SLC9C2: variants seen among roughly 807,000 people sequenced by gnomAD.
SLC9C2 encodes sodium/hydrogen exchanger 11.
SLC9C2 carries 75 observed loss-of-function variants against 140.2 expected under a neutral mutation model. The observed-to-expected ratio is 0.53, with a 90% CI of 0.44 to 0.65. SLC9C2 has a LOEUF of 0.65. SLC9C2 is among the 30% of genes least tolerant of loss of function. SLC9C2 has a pLI of 0.00. For missense variants in SLC9C2, 1,074 were observed against 1,331.8 expected (o/e 0.81, Z 3.01); for synonymous variants, 375 against 420.9 (o/e 0.89, Z 1.34).
At chr1:173,547,587 A>G in intron 13 of SLC9C2, 102 bp downstream of exon 13, 2 of 771,096 alleles carry the variant, frequency 2.6e-6, no homozygotes, top group Non-Finnish European at 4.1e-6. Context: ...CAATCAATAG[A>G]CTATGAGAAG....
At chr1:173,582,330 A>G (rs1665595355) in intron 6 of SLC9C2, among the ~76,000 whole-genome samples, 1 of 152,246 alleles carries the variant, frequency 6.6e-6, no homozygotes, top group Admixed American at 6.5e-5. Context: ...AAAAAAATCT[A>G]AATTAAAAAT....
intron 7 of SLC9C2, among the ~76,000 whole-genome samples, chr1:173,577,769 G>T (rs1051923778): frequency 6.6e-6 from 1 of 152,132 alleles, no homozygotes; most frequent in Non-Finnish European, 1.5e-5. Flanking sequence ...GCTGTTAATT[G>T]TTTTTATCTA....
intron 8 of SLC9C2, among the ~76,000 whole-genome samples, 188 bp from the exon 9 acceptor site, chr1:173,573,513 A>G (rs1409994219): frequency 6.6e-6 from 1 of 152,152 alleles, no homozygotes; most frequent in South Asian, 2.1e-4. Flanking sequence ...CATATTTTTC[A>G]TTACCTTCAT....
intron 23 of SLC9C2, among the ~76,000 whole-genome samples, chr1:173,514,519 TC>T (rs1362440251): frequency 2.6e-5 from 4 of 152,210 alleles, no homozygotes; most frequent in Admixed American, 6.5e-5. Context: ...TAATTTTTCC[TC>T]CACCCCTTTA....
chr1:173,560,855 G>GGAGT (rs1216665588), intron 9 of SLC9C2, among the ~76,000 whole-genome samples: 1 of 152,042 alleles, frequency 6.6e-6, no homozygotes, highest in Non-Finnish European at 1.5e-5. Flanking sequence ...GGAGTGCAGT[G>GGAGT]GAGTGATCTT....
rs529001737 is a variant in SLC9C2, at chr1:173,565,070, C to T, written c.1047-7562G>A. Among the ~76,000 whole-genome samples the T allele has an allele frequency of 2.0e-5, 3 of 149,340 alleles. No homozygotes were observed. The South Asian group carries it at 6.4e-4, about 32-fold the overall frequency. On this transcript the variant is annotated intron_variant, in intron 9 of 27. Coordinates refer to ENST00000367714, the MANE Select transcript of SLC9C2 (RefSeq NM_178527.4). ...GCAACCTCTGCCTCCCGGGTTCAAG[C>T]GATTCTCCTGCCTCAGCCTCCCAAG...
chr1:173,600,259 A>G, intron 2 of SLC9C2, 42 bp from the exon 3 acceptor site: 12 of 1,409,236 alleles, frequency 8.5e-6, no homozygotes, highest in Non-Finnish European at 1.2e-5. Context: ...TACTCGAAGT[A>G]CAGTTTCTAC....
intron 13 of SLC9C2, among the ~76,000 whole-genome samples, chr1:173,547,276 A>T (rs1463105811): frequency 6.6e-6 from 1 of 151,948 alleles, no homozygotes; most frequent in Non-Finnish European, 1.5e-5. Context: ...AGAATTTTTG[A>T]TTCATCAGAT....
Position 173,547,720 on chromosome 1 carries a change from T to G in SLC9C2, c.1526A>C (p.Glu509Ala). 1 of 1,612,706 alleles carries G rather than the reference T, an allele frequency of 6.2e-7. No individual in the cohort carries two copies. Among genetic ancestry groups the G allele is most frequent in the South Asian group, 1.1e-5 (1 of 90,966 alleles). ...TATTGCAGCTACATGCAATCTGGCTTCCTCCATTAAAGCTTCATCTGTTGT... is the reference window on the plus strand; with the variant it reads ...TATTGCAGCTACATGCAATCTGGCTGCCTCCATTAAAGCTTCATCTGTTGT... Reference protein sequence around the residue: ...ESTTDEALMEEARLHVAAIQM... With the variant: ...ESTTDEALMEAARLHVAAIQM... The change falls in exon 13 of 28, where the codon GAA becomes GCA. Residue 509 changes from glutamate to alanine, a missense_variant. Glu to Ala is a moderately radical substitution (Grantham distance 107). Coordinates refer to ENST00000367714, the MANE Select transcript of SLC9C2 (RefSeq NM_178527.4).
At chr1:173,584,180 G>A (rs1665717684) in intron 5 of SLC9C2, among the ~76,000 whole-genome samples, 1 of 139,538 alleles carries the variant, frequency 7.2e-6, no homozygotes, top group Non-Finnish European at 1.5e-5. Context: ...AAAAATGAAT[G>A]AAGTACTTAC....
At chr1:173,537,802 A>G (rs1321342047) in intron 13 of SLC9C2, among the ~76,000 whole-genome samples, 1 of 152,144 alleles carries the variant, frequency 6.6e-6, no homozygotes, top group Non-Finnish European at 1.5e-5. Flanking sequence ...GATAGGCTGT[A>G]TTGTTGTGTC....
At chr1:173,574,086 G>A (rs1229012249) in intron 8 of SLC9C2, among the ~76,000 whole-genome samples, 1 of 152,084 alleles carries the variant, frequency 6.6e-6, no homozygotes, top group Non-Finnish European at 1.5e-5. Context: ...TAGAGTACAT[G>A]TTCTGTTCTG....
chr1:173,551,380 C>A (rs1461015), intron 11 of SLC9C2, among the ~76,000 whole-genome samples: 17,174 of 152,124 alleles, frequency 0.11, 3,246 homozygotes, highest in African/African-American at 0.39. Flanking sequence ...ATTGATGAAT[C>A]TGTGAATGTG....
chr1:173,591,654 G>A (rs549692718), intron 4 of SLC9C2, among the ~76,000 whole-genome samples: 6 of 152,034 alleles, frequency 3.9e-5, no homozygotes, highest in South Asian at 4.2e-4. Context: ...TCATATGCTC[G>A]TTGGCTGCAA....
chr1:173,547,871 T>C (rs1304543142), intron 12 of SLC9C2, 87 bp from the exon 13 acceptor site: 3 of 885,538 alleles, frequency 3.4e-6, no homozygotes, highest in Non-Finnish European at 5.3e-6. Context: ...AATACTACTC[T>C]CAACAAAGAT....
chr1:173,599,435 C>T (rs1429063078), intron 3 of SLC9C2, among the ~76,000 whole-genome samples: 18 of 120,058 alleles, frequency 1.5e-4, no homozygotes, highest in Non-Finnish European at 2.3e-4. Flanking sequence ...AGTGCAGTGG[C>T]GCAATCTCGG....
chr1:173,581,891 T>C lies in SLC9C2; in HGVS notation c.758A>G (p.Asn253Ser). The C allele has an allele frequency of 6.2e-7, 1 of 1,602,118 alleles. No homozygotes were observed. The highest frequency in any genetic ancestry group is 8.5e-7 in the Non-Finnish European group (1 of 1,172,520). Residue 253 changes from asparagine (N) to serine (S), a missense_variant, in exon 7 of 28, where the codon AAT (asparagine) becomes AGT (serine). Physicochemically the swap from Asn to Ser is conservative, Grantham distance 46. Coordinates refer to ENST00000367714, the MANE Select transcript of SLC9C2 (RefSeq NM_178527.4). ...CACCATTGAAAAGCAGAGAATGATA[T>C]TAGTCAGCATATTGCTAAAAACGTC... ...LADVFSNMLT[N>S]IILCFSMVYM...
intron 4 of SLC9C2, among the ~76,000 whole-genome samples, chr1:173,592,133 C>G (rs569044200): frequency 6.6e-6 from 1 of 152,086 alleles, no homozygotes; most frequent in Non-Finnish European, 1.5e-5. Flanking sequence ...AGTCCTTTAC[C>G]CATTGTTTGT....
rs774044613 is a variant in SLC9C2, at chr1:173,582,048, G to A, written c.641-40C>T. On this transcript the variant is annotated intron_variant, in intron 6 of 27. Coordinates refer to ENST00000367714, the MANE Select transcript of SLC9C2 (RefSeq NM_178527.4). ...GAAAAAATAAGAAATAAAAACTTGA[G>A]CTATAACTTTTGTCTCTTTCACTGA... The A allele has an allele frequency of 3.5e-6, 5 of 1,415,746 alleles. No individual in the cohort carries two copies. In the South Asian group the frequency reaches 8.2e-5, roughly 23 times the overall value. The allele number at this position is 1,415,746 out of a possible 1,614,324, so 87.7% of individuals were successfully genotyped here. A position where few individuals can be genotyped will look rare whatever the true frequency, so the allele number is the denominator to read the frequency against.
Sources: gnomAD v4.1 joint callset for allele counts (sites outside exome capture counted in the v4.1 genomes callset) on GRCh38, gnomAD v4.1.1 for gene constraint, MANE v1.5 for transcripts, NCBI Gene and HGNC (gene_info 2026-07-23, HGNC 2026-07-21) for gene names.